PNPLA7: variants seen among roughly 807,000 people sequenced by gnomAD.
PNPLA7 encodes the protein patatin-like phospholipase domain-containing protein 7.
A neutral mutation model predicts 161.7 loss-of-function variants in PNPLA7; 153 were observed. That is an observed-to-expected ratio of 0.95 (90% CI 0.83 to 1.08). The LOEUF (loss-of-function observed/expected upper bound fraction) is 1.08. PNPLA7 is among the 50% of genes least tolerant of loss of function. The pLI is 0.00. For synonymous variants in PNPLA7, 809 were observed against 782.1 expected, an observed-to-expected ratio of 1.03 and a Z score of -0.57; for missense variants, 1,739 against 1,856.6, an observed-to-expected ratio of 0.94 and a Z score of 1.16.
At chr9:137,462,467 G>A (rs542777162) in intron 30 of PNPLA7, 136 bp from the exon 31 acceptor site, 13 of 1,431,746 alleles carry the variant, frequency 9.1e-6, no homozygotes, top group African/African-American at 2.9e-5. Flanking sequence ...AGCAGCACCC[G>A]GCCGGGGGTC....
At chr9:137,475,010 CAAAA>C (rs58417100) in intron 25 of PNPLA7, among the ~76,000 whole-genome samples, 990 of 63,590 alleles carry the variant, frequency 0.016, 15 homozygotes, top group African/African-American at 0.062. Flanking sequence ...GACTCTGCCT[CAAAA>C]AAAAAAAAAA....
intron 8 of PNPLA7, among the ~76,000 whole-genome samples, chr9:137,528,220 G>A (rs1026795359): frequency 3.3e-5 from 5 of 152,010 alleles, no homozygotes; most frequent in African/African-American, 1.2e-4. Flanking sequence ...TTTCTCTCTT[G>A]TTTTGCATTT....
intron 19 of PNPLA7, among the ~76,000 whole-genome samples, chr9:137,493,648 C>T (rs1433437029): frequency 2.0e-5 from 3 of 152,268 alleles, no homozygotes; most frequent in Admixed American, 1.3e-4. Flanking sequence ...TGGCTTCACC[C>T]GCACTGTCCC....
chr9:137,534,568 TA>T (rs904093444), intron 8 of PNPLA7, among the ~76,000 whole-genome samples: 6 of 151,806 alleles, frequency 4.0e-5, no homozygotes, highest in Non-Finnish European at 7.4e-5. Context: ...GAAGCTGCCC[TA>T]AAAAAAAGAC....
In PNPLA7 at chr9:137,502,550, C is replaced by T. The variant is rs557835726; in HGVS notation, c.1474-823G>A. Among the ~76,000 whole-genome samples the T allele has an allele frequency of 1.5e-3, 218 of 144,526 alleles. 2 individuals carry two copies. The highest frequency in any genetic ancestry group is 0.011 in the Middle Eastern group (3 of 278). The allele number at this position is 144,526 out of a possible 152,430, so 94.8% of individuals were successfully genotyped here. ...ATCCAGCTCTCAGGCAGAGGACGGC[C>T]GCTGACGGAGAGGCCGCATCGCCCC... is the stretch of plus-strand genomic sequence containing the variant. On this transcript the variant is annotated intron_variant, in intron 14 of 34. Coordinates refer to ENST00000406427, the MANE Select transcript of PNPLA7 (RefSeq NM_001098537.3).
Position 137,497,196 on chromosome 9 carries a change from G to T in PNPLA7, c.2004C>A (p.Leu668=). The part of the protein sequence containing the change: ...RLAGEYGRGD[L]VGVVETLTHQ... ...AGGGCCCAGCACCTACCACGCCGAC[G>T]AGGTCTCCTCGGCCGTACTCCCCGG... Residue 668 remains leucine, a synonymous_variant, in exon 18 of 35, where the codon CTC becomes CTA. Transcript: ENST00000406427. The T allele has an allele frequency of 6.3e-7, 1 of 1,581,892 alleles. No individual in the cohort carries two copies. Among genetic ancestry groups the T allele is most frequent in the Admixed American group, 1.8e-5 (1 of 56,376 alleles).
intron 8 of PNPLA7, among the ~76,000 whole-genome samples, chr9:137,531,289 G>C (rs933332592): frequency 2.0e-5 from 3 of 152,178 alleles, no homozygotes; most frequent in Non-Finnish European, 4.4e-5. Context: ...AAAAGCACGT[G>C]CGTGTGTTTG....
At chr9:137,485,841 CGGCCAGCACAGTGGCAA>C (rs1385261347) in intron 20 of PNPLA7, among the ~76,000 whole-genome samples, 4 of 152,198 alleles carry the variant, frequency 2.6e-5, no homozygotes, top group Admixed American at 6.5e-5. Context: ...AGGGGCCCCT[CGGCCAGCACAGTGGCAA>C]GGACATGGAC....
chr9:137,497,970 G>T, intron 17 of PNPLA7, 144 bp downstream of exon 17: 1 of 1,288,982 alleles, frequency 7.8e-7, no homozygotes, highest in Non-Finnish European at 1.1e-6. Context: ...AAGCTGGGGT[G>T]GGGCTGGGGA....
intron 26 of PNPLA7, among the ~76,000 whole-genome samples, chr9:137,465,586 C>T (rs1831425774): frequency 6.6e-6 from 1 of 152,218 alleles, no homozygotes; most frequent in African/African-American, 2.4e-5. Context: ...AGCAGCCACG[C>T]TGAAGGTGAC....
Position 137,521,725 on chromosome 9 carries a change from A to G in PNPLA7, c.877-9T>C, listed in dbSNP as rs997400829. On this transcript the variant is annotated splice_polypyrimidine_tract_variant and intron_variant, in intron 9 of 34. Coordinates refer to ENST00000406427, the MANE Select transcript of PNPLA7 (RefSeq NM_001098537.3). ...AGCCGCACCATGATGATCTGCAAGAACACGCCAGCTGCGCGGTGACCACCG... is the reference window on the plus strand; with the variant it reads ...AGCCGCACCATGATGATCTGCAAGAGCACGCCAGCTGCGCGGTGACCACCG... 3 of 1,608,682 alleles carry G rather than the reference A, an allele frequency of 1.9e-6. No homozygotes were observed. Among genetic ancestry groups the G allele is most frequent in the Non-Finnish European group, 2.5e-6 (3 of 1,179,554 alleles).
At chr9:137,480,657 G>T in intron 22 of PNPLA7, 177 bp from the exon 23 acceptor site, 1 of 770,058 alleles carries the variant, frequency 1.3e-6, no homozygotes, top group Non-Finnish European at 2.0e-6. Context: ...AGGCAGTCAC[G>T]CAGAGGCTGC....
intron 8 of PNPLA7, among the ~76,000 whole-genome samples, chr9:137,531,412 C>T (rs776236401): frequency 1.3e-5 from 2 of 152,230 alleles, no homozygotes; most frequent in Admixed American, 6.5e-5. Context: ...TTCATAACCT[C>T]ACCCCAGATC....
Position 137,464,116 on chromosome 9 carries a change from G to A in PNPLA7, c.3226+10C>T, listed in dbSNP as rs775324650. The A allele has an allele frequency of 1.1e-5, 17 of 1,612,892 alleles. No individual in the cohort carries two copies. Among genetic ancestry groups the A allele is most frequent in the Non-Finnish European group, 1.4e-5 (16 of 1,179,720 alleles). On this transcript the variant is annotated intron_variant, in intron 28 of 34. Coordinates refer to ENST00000406427, the MANE Select transcript of PNPLA7 (RefSeq NM_001098537.3). The stretch of plus-strand genomic sequence containing the variant: ...CCCAAGCGGCCGCCCTGCGCAGCAG[G>A]AGTGCTCACCGTCGGTGTGGACCCG...
chr9:137,485,233 A>G (rs1328821258), intron 20 of PNPLA7, among the ~76,000 whole-genome samples: 1 of 152,278 alleles, frequency 6.6e-6, no homozygotes, highest in Middle Eastern at 3.2e-3. Flanking sequence ...CACCAAAGAC[A>G]GTGATTCACG....
At position 137,522,840 on chromosome 9, in the gene PNPLA7, G is replaced by A; in HGVS notation, c.765C>T (p.Tyr255=). The change falls in exon 9 of 35, where the codon TAC becomes TAT. Residue 255 remains tyrosine (Y), a synonymous_variant. Coordinates refer to ENST00000406427, the MANE Select transcript of PNPLA7 (RefSeq NM_001098537.3). ...TGGCCGCGCGGACGGAGACCGTTTT[G>A]TAAGGTGCAGCATGGCCCTGTAACA... is the stretch of plus-strand genomic sequence containing the variant. The part of the protein sequence containing the change: ...LDIITGHAAP[Y]KTVSVRAAIP... The A allele has an allele frequency of 6.2e-7, 1 of 1,613,576 alleles. No individual in the cohort carries two copies. Among genetic ancestry groups the A allele is most frequent in the Non-Finnish European group, 8.5e-7 (1 of 1,179,908 alleles).
chr9:137,475,520 G>T lies in PNPLA7; in HGVS notation c.2882+2514C>A, dbSNP rs556128148. Among the ~76,000 whole-genome samples, 4 of 151,996 alleles carry T rather than the reference G, an allele frequency of 2.6e-5. No individual in the cohort carries two copies. In the South Asian group the frequency reaches 8.3e-4, roughly 32 times the overall value. The stretch of plus-strand genomic sequence containing the variant: ...CTCCTGAGTAGCTGCGACTACAGGC[G>T]CCCGCCACCAAGCCTGGCTAATTTT... On this transcript the variant is annotated intron_variant, in intron 25 of 34. Coordinates refer to ENST00000406427, the MANE Select transcript of PNPLA7 (RefSeq NM_001098537.3).
At chr9:137,503,875 GAAGA>G (rs1833712354) in intron 14 of PNPLA7, among the ~76,000 whole-genome samples, 1 of 101,650 alleles carries the variant, frequency 9.8e-6, no homozygotes, top group African/African-American at 3.7e-5. Flanking sequence ...GAGGAAGGAA[GAAGA>G]AAGAAGAAGG....
At chr9:137,549,862 G>C (rs920921714) in intron 1 of PNPLA7, among the ~76,000 whole-genome samples, 1 of 152,230 alleles carries the variant, frequency 6.6e-6, no homozygotes, top group African/African-American at 2.4e-5. Flanking sequence ...AGTAGCAACT[G>C]TGACCTTAGG....
Sources: allele counts gnomAD v4.1 joint callset (sites outside exome capture counted in the v4.1 genomes callset), GRCh38; gene constraint gnomAD v4.1.1; transcripts MANE v1.5; gene names NCBI Gene and HGNC (gene_info 2026-07-23, HGNC 2026-07-21).